PLA2G5: variants seen among roughly 807,000 people sequenced by gnomAD.
PLA2G5 encodes phospholipase A2 group V, also known as Ca2+-dependent phospholipase A2.
A neutral mutation model predicts 15.9 loss-of-function variants in PLA2G5; 12 were observed. The ratio of observed to expected loss-of-function variants is 0.76; its 90% confidence interval spans 0.48 to 1.23. PLA2G5 has a LOEUF of 1.23. PLA2G5 is among the 50% of genes most tolerant of loss of function. PLA2G5 has a pLI of 0.00. For synonymous variants in PLA2G5, 71 were observed against 71.4 expected (o/e 0.99, Z 0.03); for missense variants, 169 against 177.1 (o/e 0.95, Z 0.26).
At chr1:20,062,354 G>A (rs1024155906) in intron 2 of PLA2G5, among the ~76,000 whole-genome samples, 10 of 152,086 alleles carry the variant, frequency 6.6e-5, no homozygotes, top group South Asian at 2.1e-4. Context: ...CACATCCCAC[G>A]CCAGAAAGAT....
intron 1 of PLA2G5, among the ~76,000 whole-genome samples, chr1:20,080,958 A>C (rs1007268098): frequency 1.3e-5 from 2 of 151,840 alleles, no homozygotes; most frequent in African/African-American, 2.4e-5. Flanking sequence ...AGACAGCAGG[A>C]GGGCTCAGCA....
intron 3 of PLA2G5, among the ~76,000 whole-genome samples, chr1:20,088,338 C>T (rs2016397803): frequency 6.8e-6 from 1 of 147,536 alleles, no homozygotes; most frequent in African/African-American, 2.5e-5. Context: ...CCAGCCTGGG[C>T]GATGAGAGTG....
At chr1:20,048,216 A>C (rs775650529) in intron 1 of PLA2G5, among the ~76,000 whole-genome samples, 31 of 152,168 alleles carry the variant, frequency 2.0e-4, no homozygotes, top group Non-Finnish European at 3.7e-4. Flanking sequence ...TGCTTTTTCA[A>C]GTTTAATAAC....
intron 1 of PLA2G5, among the ~76,000 whole-genome samples, chr1:20,029,564 C>T (rs2012794045): frequency 6.6e-6 from 1 of 152,130 alleles, no homozygotes; most frequent in Non-Finnish European, 1.5e-5. Context: ...GGAAATGCAA[C>T]ATTTGGGCAG....
At chr1:20,077,882 G>A (rs567740697) in intron 1 of PLA2G5, among the ~76,000 whole-genome samples, 1 of 152,296 alleles carries the variant, frequency 6.6e-6, no homozygotes, top group Admixed American at 6.5e-5. Context: ...ATTGTTTGTT[G>A]AGTCAAAGCT....
upstream of PLA2G5, chr1:20,068,941 A>G (rs1485321138): frequency 7.8e-7 from 1 of 1,289,262 alleles, no homozygotes; most frequent in African/African-American, 1.5e-5. Context: ...AGAGCCAGGA[A>G]GGACCCGGAT....
intron 3 of PLA2G5, among the ~76,000 whole-genome samples, chr1:20,087,138 A>G (rs980846318): frequency 2.0e-5 from 3 of 152,252 alleles, no homozygotes; most frequent in African/African-American, 7.2e-5. Context: ...ATGCATAGGT[A>G]GCAGTATGCA....
intron 1 of PLA2G5, among the ~76,000 whole-genome samples, chr1:20,072,894 AC>A (rs1487123835): frequency 6.6e-6 from 1 of 152,176 alleles, no homozygotes; most frequent in African/African-American, 2.4e-5. Flanking sequence ...TGGGTTAGAA[AC>A]TTTTCGGTGC....
Position 20,089,781 on chromosome 1 carries a change from A to T in PLA2G5, c.186-8A>T. ...CCCACTCGGGATCTAAGTCTCTTGC[A>T]CGGACAGGTGCTGTTGGGCGCATGA... On this transcript the variant is annotated splice_region_variant and splice_polypyrimidine_tract_variant and intron_variant, in intron 3 of 4. Transcript: ENST00000375108. 1.2e-6 allele frequency: 2 copies of T among 1,612,502 alleles called. No homozygotes were observed. The highest frequency in any genetic ancestry group is 1.7e-6 in the Non-Finnish European group (2 of 1,178,544).
chr1:20,033,175 G>A (rs2013059705), intron 1 of PLA2G5, among the ~76,000 whole-genome samples: 1 of 152,178 alleles, frequency 6.6e-6, no homozygotes, highest in Admixed American at 6.5e-5. Context: ...GGGCTGGAGA[G>A]CATTGGATTC....
At chr1:20,057,060 C>G (rs1476860227) in intron 1 of PLA2G5, among the ~76,000 whole-genome samples, 1 of 151,088 alleles carries the variant, frequency 6.6e-6, no homozygotes, top group East Asian at 1.9e-4. Context: ...GTGGTGATGG[C>G]CCCTCATTTA....
At chr1:20,043,793 A>G (rs2013745740) in intron 1 of PLA2G5, among the ~76,000 whole-genome samples, 1 of 152,186 alleles carries the variant, frequency 6.6e-6, no homozygotes, top group Non-Finnish European at 1.5e-5. Context: ...TATGGGGGCA[A>G]GGGAAACAGC....
At chr1:20,041,010 C>T (rs975214284) in intron 1 of PLA2G5, among the ~76,000 whole-genome samples, 51 of 152,200 alleles carry the variant, frequency 3.4e-4, no homozygotes, top group African/African-American at 1.0e-3. Flanking sequence ...ACAAACTGTG[C>T]TCTGACTACC....
Position 20,070,399 on chromosome 1 carries a change from G to A in PLA2G5, c.-77G>A. On this transcript the variant is annotated 5_prime_UTR_variant, in exon 1 of 5. Transcript: ENST00000375108. The stretch of plus-strand genomic sequence containing the variant: ...GAGCCCGCGAGACCCGGGTCTCCAG[G>A]GTCTGCCCAAGGAAGTTGCTCATGG... The A allele has an allele frequency of 2.0e-6, 2 of 985,450 alleles. No homozygotes were observed. The highest frequency in any genetic ancestry group is 1.2e-6 in the Non-Finnish European group (1 of 829,954). The allele number at this position is 985,450 out of a possible 1,614,324, so 61.0% of individuals were successfully genotyped here.
At chr1:20,047,718 TTG>T (rs57199460) in intron 1 of PLA2G5, among the ~76,000 whole-genome samples, 37,561 of 147,146 alleles carry the variant, frequency 0.26, 4,574 homozygotes, top group Admixed American at 0.32. Flanking sequence ...TATAGGATCT[TTG>T]TGTGTGTGTG....
chr1:20,064,096 T>C (rs905605466), intron 2 of PLA2G5, among the ~76,000 whole-genome samples: 4 of 152,214 alleles, frequency 2.6e-5, no homozygotes, highest in African/African-American at 9.7e-5. Context: ...CTTGGACATA[T>C]GAACTTCTGA....
At chr1:20,049,575 C>T (rs2014082089) in intron 1 of PLA2G5, among the ~76,000 whole-genome samples, 1 of 152,036 alleles carries the variant, frequency 6.6e-6, no homozygotes, top group Admixed American at 6.6e-5. Flanking sequence ...CCTTGCTGTT[C>T]TCATGATAGT....
upstream of PLA2G5, among the ~76,000 whole-genome samples, chr1:20,067,805 C>G (rs976698020): frequency 1.3e-5 from 2 of 151,752 alleles, no homozygotes; most frequent in Non-Finnish European, 2.9e-5. Flanking sequence ...TGGAAACTTA[C>G]GTGATAAAGA....
intron 1 of PLA2G5, among the ~76,000 whole-genome samples, chr1:20,039,805 A>G (rs2013486350): frequency 6.6e-6 from 1 of 152,172 alleles, no homozygotes; most frequent in Non-Finnish European, 1.5e-5. Context: ...TTTTAATCAG[A>G]TCACAAAAAG....
Sources: allele counts gnomAD v4.1 joint callset (sites outside exome capture counted in the v4.1 genomes callset), GRCh38; gene constraint gnomAD v4.1.1; transcripts MANE v1.5; gene names NCBI Gene and HGNC (gene_info 2026-07-23, HGNC 2026-07-21).